The following UBE2D3 variants were observed in gnomAD, a reference collection of about 807,000 sequenced individuals.
The protein encoded by UBE2D3 is ubiquitin conjugating enzyme E2 D3, also known as ubiquitin-conjugating enzyme E2 D3.
UBE2D3 carries 2 observed loss-of-function variants against 22.8 expected under a neutral mutation model. The observed-to-expected ratio is 0.09, with a 90% CI of 0.04 to 0.28. The LOEUF (loss-of-function observed/expected upper bound fraction) is 0.28, where lower values mean the gene tolerates loss of function less well. Among genes scored for constraint, UBE2D3 ranks in the 10% least tolerant of loss-of-function variants. The pLI is 1.00. For missense variants in UBE2D3, 27 were observed against 182.5 expected (o/e 0.15, Z 4.91); for synonymous variants, 56 against 60.4 (o/e 0.93, Z 0.34).
chr4:102,834,976 C>T (rs1419203988), intron 1 of UBE2D3, among the ~76,000 whole-genome samples: 1 of 152,046 alleles, frequency 6.6e-6, no homozygotes, highest in African/African-American at 2.4e-5. Flanking sequence ...GATTCTTTCC[C>T]CTTTTCCATC....
intron 1 of UBE2D3, chr4:102,827,162 C>T: frequency 1.0e-6 from 1 of 986,998 alleles, no homozygotes; most frequent in Non-Finnish European, 1.2e-6. Context: ...CTCCGCCTTC[C>T]AGCGCGCTCC....
At chr4:102,865,976 G>A (rs1455869706) in intron 1 of UBE2D3, among the ~76,000 whole-genome samples, 1 of 152,188 alleles carries the variant, frequency 6.6e-6, no homozygotes, top group East Asian at 1.9e-4. Context: ...GGTCAGATAA[G>A]CCTATTACAT....
intron 1 of UBE2D3, among the ~76,000 whole-genome samples, chr4:102,859,441 C>T (rs1462849159): frequency 1.3e-5 from 2 of 151,930 alleles, no homozygotes; most frequent in Non-Finnish European, 2.9e-5. Flanking sequence ...GAGAAAGGCA[C>T]ATCTTACACA....
chr4:102,803,578 T>C (rs1726542866), intron 4 of UBE2D3, among the ~76,000 whole-genome samples: 1 of 152,198 alleles, frequency 6.6e-6, no homozygotes, highest in South Asian at 2.1e-4. Context: ...TGCTATATAC[T>C]GTATGTGTGT....
chr4:102,825,180 T>A, intron 2 of UBE2D3: 1 of 941,920 alleles, frequency 1.1e-6, no homozygotes, highest in East Asian at 1.2e-4. Context: ...TTCTTGCCAT[T>A]CCTCTCAGAA....
intron 7 of UBE2D3, among the ~76,000 whole-genome samples, chr4:102,798,002 A>G (rs969073782): frequency 6.6e-6 from 1 of 151,716 alleles, no homozygotes; most frequent in Non-Finnish European, 1.5e-5. Flanking sequence ...AAGGGCAGTA[A>G]TTTTCAAAAG....
chr4:102,811,854 T>C (rs865789285), intron 2 of UBE2D3: 9 of 399,994 alleles, frequency 2.3e-5, no homozygotes, highest in Admixed American at 3.6e-5. Flanking sequence ...CCATTCTCCA[T>C]AAAAAGAAAA....
At chr4:102,809,434 G>A (rs1185480158) in intron 4 of UBE2D3, 1 of 507,354 alleles carries the variant, frequency 2.0e-6, no homozygotes, top group African/African-American at 1.9e-5. Flanking sequence ...ATACAGAGAT[G>A]TTTGGTAGGT....
At chr4:102,822,132 G>T (rs928789681) in intron 2 of UBE2D3, among the ~76,000 whole-genome samples, 4 of 152,150 alleles carry the variant, frequency 2.6e-5, no homozygotes, top group Non-Finnish European at 5.9e-5. Context: ...TCCCAGTGAT[G>T]GAGCATTCAA....
At chr4:102,802,683 G>T (rs887764000) in intron 4 of UBE2D3, 45 bp from the exon 5 acceptor site, 9 of 1,427,412 alleles carry the variant, frequency 6.3e-6, no homozygotes, top group Non-Finnish European at 8.7e-6. Flanking sequence ...AAATATTATT[G>T]CTAAATATTC....
At chr4:102,797,566 C>T in intron 7 of UBE2D3, 106 bp from the exon 8 acceptor site, 1 of 829,694 alleles carries the variant, frequency 1.2e-6, no homozygotes. Context: ...ATCATGAAGT[C>T]ATCTCTAATG....
intron 6 of UBE2D3, among the ~76,000 whole-genome samples, chr4:102,800,740 A>G (rs1178667227): frequency 1.3e-5 from 2 of 152,074 alleles, no homozygotes; most frequent in South Asian, 2.1e-4. Context: ...AGTGCAGTAT[A>G]TACACATATG....
At chr4:102,817,719 C>CTAA (rs1560862959) in intron 2 of UBE2D3, among the ~76,000 whole-genome samples, 1 of 152,146 alleles carries the variant, frequency 6.6e-6, no homozygotes, top group African/African-American at 2.4e-5. Context: ...AACCATCCAC[C>CTAA]GTTAGTCTGT....
At chr4:102,808,693 G>T (rs1173865589) in intron 4 of UBE2D3, among the ~76,000 whole-genome samples, 1 of 152,100 alleles carries the variant, frequency 6.6e-6, no homozygotes, top group Non-Finnish European at 1.5e-5. Context: ...CTCTAATACA[G>T]TGTAAGTTCC....
chr4:102,853,448 T>G (rs80353432), intron 1 of UBE2D3, among the ~76,000 whole-genome samples: 1,811 of 152,178 alleles, frequency 0.012, 20 homozygotes, highest in African/African-American at 0.036. Context: ...CATCATAAGG[T>G]CTAGTAAAAT....
intron 2 of UBE2D3, 97 bp downstream of exon 2, chr4:102,826,388 T>C: frequency 6.9e-7 from 1 of 1,459,464 alleles, no homozygotes; most frequent in Admixed American, 1.8e-5. Flanking sequence ...CCAAGAGGTA[T>C]TTTCAGAATT....
intron 4 of UBE2D3, 162 bp downstream of exon 4, chr4:102,809,510 C>T: frequency 4.0e-6 from 3 of 755,612 alleles, no homozygotes; most frequent in Non-Finnish European, 6.4e-6. Context: ...TAACAAATGA[C>T]TAACTCATTA....
At chr4:102,816,062 G>A (rs991978431) in intron 2 of UBE2D3, among the ~76,000 whole-genome samples, 1 of 152,174 alleles carries the variant, frequency 6.6e-6, no homozygotes, top group Non-Finnish European at 1.5e-5. Flanking sequence ...AAAAAAAAGT[G>A]AGAAAAGAGT....
chr4:102,819,456 A>G, intron 2 of UBE2D3: 1 of 458,870 alleles, frequency 2.2e-6, no homozygotes, highest in Non-Finnish European at 2.9e-6. Context: ...ATGTTCCAGG[A>G]GCCCAATAAG....
Sources: allele counts gnomAD v4.1 joint callset (sites outside exome capture counted in the v4.1 genomes callset), GRCh38; gene constraint gnomAD v4.1.1; transcripts MANE v1.5; gene names NCBI Gene and HGNC (gene_info 2026-07-23, HGNC 2026-07-21).